Variants in CCDC25 observed in about 807,000 individuals in gnomAD.
CCDC25 encodes the protein coiled-coil domain-containing protein 25.
Under a neutral mutation model 35.3 loss-of-function variants are expected in CCDC25, and 16 were observed. The ratio of observed to expected loss-of-function variants is 0.45; its 90% CI spans 0.31 to 0.69. The LOEUF (loss-of-function observed/expected upper bound fraction) is 0.69. Among genes scored for constraint, CCDC25 ranks in the 30% least tolerant of loss-of-function variants. The pLI, the probability that CCDC25 is intolerant of heterozygous loss-of-function variation, is 0.06. For missense variants in CCDC25, 179 were observed against 250.7 expected, an observed-to-expected ratio of 0.71 and a Z score of 1.93; for synonymous variants, 79 against 80.3, an observed-to-expected ratio of 0.98 and a Z score of 0.09.
intron 3 of CCDC25, among the ~76,000 whole-genome samples, chr8:27,759,347 C>G (rs534724417): frequency 2.6e-5 from 4 of 152,182 alleles, no homozygotes; most frequent in Non-Finnish European, 5.9e-5. Flanking sequence ...TGGCTCATGC[C>G]TGTCGTGCCA....
At chr8:27,772,076 G>T in intron 1 of CCDC25, 1 of 190,430 alleles carries the variant, frequency 5.3e-6, no homozygotes, top group South Asian at 9.5e-5. Context: ...AGGGTAAGTC[G>T]CGCTTCCCTT....
chr8:27,760,118 C>T (rs916661733), intron 3 of CCDC25, among the ~76,000 whole-genome samples: 1 of 152,180 alleles, frequency 6.6e-6, no homozygotes, highest in African/African-American at 2.4e-5. Context: ...CATCTCAAGA[C>T]TACTAAAGGG....
At chr8:27,756,473 C>A (rs1804007112) in intron 4 of CCDC25, 1 of 425,122 alleles carries the variant, frequency 2.4e-6, no homozygotes, top group Non-Finnish European at 4.3e-6. Flanking sequence ...GACAGCACAC[C>A]GGAAGTGACA....
chr8:27,768,027 C>A (rs890166501), intron 1 of CCDC25, among the ~76,000 whole-genome samples: 1 of 123,898 alleles, frequency 8.1e-6, no homozygotes, highest in Non-Finnish European at 1.7e-5. Flanking sequence ...TATGAGGAAA[C>A]CCTGTCTCTA....
At chr8:27,765,033 G>C (rs1804352659) in intron 2 of CCDC25, among the ~76,000 whole-genome samples, 171 bp downstream of exon 2, 1 of 152,140 alleles carries the variant, frequency 6.6e-6, no homozygotes, top group African/African-American at 2.4e-5. Flanking sequence ...ATGTAGCTTA[G>C]GAGGTGCTGC....
At chr8:27,747,063 T>G (rs1803627574) in intron 7 of CCDC25, among the ~76,000 whole-genome samples, 1 of 152,232 alleles carries the variant, frequency 6.6e-6, no homozygotes, top group African/African-American at 2.4e-5. Context: ...AGTTCTGTGA[T>G]GAGAATTCGC....
chr8:27,763,733 T>TA (rs113834505), intron 2 of CCDC25, among the ~76,000 whole-genome samples: 21,130 of 151,962 alleles, frequency 0.14, 1,764 homozygotes, highest in East Asian at 0.34. Flanking sequence ...AATAAATAAA[T>TA]AAATAAATTG....
intron 2 of CCDC25, among the ~76,000 whole-genome samples, chr8:27,762,699 A>G (rs1299828152): frequency 1.3e-5 from 2 of 152,144 alleles, no homozygotes; most frequent in African/African-American, 4.8e-5. Context: ...AAGCTCAGAT[A>G]TTATTTCTAT....
chr8:27,751,736 C>T (rs1379160081), intron 5 of CCDC25, among the ~76,000 whole-genome samples: 9 of 152,188 alleles, frequency 5.9e-5, no homozygotes, highest in Non-Finnish European at 1.0e-4. Flanking sequence ...CTCCTGGTTT[C>T]CCTTCTTAAA....
intron 5 of CCDC25, among the ~76,000 whole-genome samples, chr8:27,749,803 C>T (rs946538802): frequency 4.6e-5 from 7 of 152,148 alleles, no homozygotes; most frequent in Non-Finnish European, 7.3e-5. Context: ...TTTAAGACAA[C>T]GTCCATGTTC....
In CCDC25 at chr8:27,737,862, T is replaced by C. The variant is rs1225660611; in HGVS notation, c.598-1617A>G. ...TCAATCAACGAGTGGATAAAGAAAC[T>C]GTGGTGTGTGTATACACACACTCAC... is the stretch of plus-strand genomic sequence containing the variant. On this transcript the variant is annotated intron_variant, in intron 8 of 8. Coordinates refer to ENST00000356537, the MANE Select transcript of CCDC25 (RefSeq NM_018246.3). The surrounding 1 kb of genome is among the most constrained non-coding windows in gnomAD (Gnocchi z 4.6). Among the ~76,000 whole-genome samples the C allele has an allele frequency of 7.2e-6, 1 of 139,724 alleles. No individual in the cohort carries two copies. Among genetic ancestry groups the C allele is most frequent in the East Asian group, 2.1e-4 (1 of 4,782 alleles). The allele number at this position is 139,724 out of a possible 152,430, so 91.7% of individuals were successfully genotyped here. A position where few individuals can be genotyped will look rare whatever the true frequency, so the allele number is the denominator to read the frequency against.
intron 7 of CCDC25, among the ~76,000 whole-genome samples, chr8:27,741,640 T>A (rs1161221378): frequency 5.3e-5 from 8 of 152,176 alleles, no homozygotes; most frequent in Non-Finnish European, 1.5e-5. Flanking sequence ...ATTGCACCAC[T>A]GCACTCCAAC....
Position 27,762,460 on chromosome 8 carries a change from T to C in CCDC25, c.77-2A>G, listed in dbSNP as rs1804259994. The C allele has an allele frequency of 5.0e-6, 8 of 1,613,190 alleles. No homozygotes were observed. The highest frequency in any genetic ancestry group is 5.9e-6 in the Non-Finnish European group (7 of 1,179,664). On this transcript the variant is annotated splice_acceptor_variant, in intron 2 of 8. Transcript: ENST00000356537. LOFTEE classifies it high-confidence loss of function. The stretch of plus-strand genomic sequence containing the variant: ...AGCCATGCTTGATCAGATCTTCATC[T>C]GCAATGAGATATGAGAAACGAAAGA...
At chr8:27,769,487 A>C (rs1422960482) in intron 1 of CCDC25, among the ~76,000 whole-genome samples, 2 of 152,194 alleles carry the variant, frequency 1.3e-5, no homozygotes, top group Non-Finnish European at 2.9e-5. Flanking sequence ...GTTTATATGG[A>C]TATCTATGTT....
chr8:27,748,490 C>T lies in CCDC25; in HGVS notation c.348+5G>A. 6.2e-7 allele frequency: 1 copy of T among 1,608,600 alleles called. No individual in the cohort carries two copies. The highest frequency in any genetic ancestry group is 8.5e-7 in the Non-Finnish European group (1 of 1,176,472). ...CCGCCTCCTTCAGTGGCACAAAACA[C>T]TTACATCCTTCTGCCTGTGAAAGCC... On this transcript the variant is annotated splice_donor_5th_base_variant and intron_variant, in intron 6 of 8. Coordinates refer to ENST00000356537, the MANE Select transcript of CCDC25 (RefSeq NM_018246.3).
intron 7 of CCDC25, among the ~76,000 whole-genome samples, chr8:27,747,238 T>C (rs7016934): frequency 0.43 from 64,659 of 152,006 alleles, 14,044 homozygotes; most frequent in East Asian, 0.63. Context: ...GAGAGATTAT[T>C]GTGAATTATC....
At chr8:27,760,419 C>T (rs911362701) in intron 3 of CCDC25, among the ~76,000 whole-genome samples, 1 of 152,190 alleles carries the variant, frequency 6.6e-6, no homozygotes, top group African/African-American at 2.4e-5. Context: ...CCATGAGAGT[C>T]TGGAGATCTT....
intron 3 of CCDC25, among the ~76,000 whole-genome samples, chr8:27,757,559 A>G (rs1365343118): frequency 4.6e-5 from 7 of 152,098 alleles, no homozygotes; most frequent in African/African-American, 1.7e-4. Flanking sequence ...TCTATCATCT[A>G]TCAATTTAAT....
At chr8:27,772,390 G>A (rs960493808) in intron 1 of CCDC25, 123 bp downstream of exon 1, 2 of 922,664 alleles carry the variant, frequency 2.2e-6, no homozygotes, top group Admixed American at 2.2e-5. Flanking sequence ...GAGAGGCCGC[G>A]GGAAGAGGCA....
Sources: gnomAD v4.1 joint callset for allele counts (sites outside exome capture counted in the v4.1 genomes callset) on GRCh38, gnomAD v4.1.1 for gene constraint, Gnocchi (gnomAD v3.1) non-coding constraint, MANE v1.5 for transcripts, NCBI Gene and HGNC (gene_info 2026-07-23, HGNC 2026-07-21) for gene names.